The following HERC2 variants were observed in gnomAD, a reference collection of about 807,000 sequenced individuals.
HERC2 encodes E3 ubiquitin-protein ligase HERC2.
In HERC2, 102 loss-of-function variants were observed where a neutral mutation model predicts 537.7. The observed-to-expected ratio is 0.19, with a 90% CI of 0.16 to 0.22. HERC2 has a LOEUF of 0.22. Ranked by LOEUF, HERC2 falls within the 10% of genes least tolerant of loss-of-function variation. The pLI is 1.00. For missense variants in HERC2, 4,236 were observed against 6,198.2 expected, an observed-to-expected ratio of 0.68 and a Z score of 10.63; for synonymous variants, 2,224 against 2,466.2, an observed-to-expected ratio of 0.90 and a Z score of 2.91.
chr15:28,214,366 G>C, intron 40 of HERC2, 94 bp from the exon 41 acceptor site: 1 of 1,112,536 alleles, frequency 9.0e-7, no homozygotes, highest in Non-Finnish European at 1.4e-6. Context: ...ACGGCACTGC[G>C]CCGCTCTTCA....
intron 81 of HERC2, 148 bp from the exon 82 acceptor site, chr15:28,130,742 C>A: frequency 2.9e-6 from 2 of 698,954 alleles, no homozygotes; most frequent in South Asian, 1.7e-5. Context: ...TCATATTCCA[C>A]TTAATCTCAG....
At chr15:28,200,626 T>C (rs1708965) in intron 48 of HERC2, among the ~76,000 whole-genome samples, 6 of 152,322 alleles carry the variant, frequency 3.9e-5, no homozygotes, top group African/African-American at 1.4e-4. Flanking sequence ...CAACCAAATG[T>C]AGATAAGGCA....
intron 52 of HERC2, among the ~76,000 whole-genome samples, chr15:28,193,685 C>A (rs1055489494): frequency 6.6e-6 from 1 of 152,102 alleles, no homozygotes; most frequent in Admixed American, 6.5e-5. Context: ...AACAAAAAGA[C>A]TCTCTGAAAA....
intron 70 of HERC2, among the ~76,000 whole-genome samples, chr15:28,149,313 C>G (rs1347473276): frequency 4.0e-5 from 6 of 151,318 alleles, no homozygotes; most frequent in Non-Finnish European, 8.8e-5. Context: ...GAGAACATCA[C>G]CGAAAATGGC....
At chr15:28,207,959 C>G (rs915481775) in intron 44 of HERC2, among the ~76,000 whole-genome samples, 2 of 152,148 alleles carry the variant, frequency 1.3e-5, no homozygotes, top group African/African-American at 4.8e-5. Flanking sequence ...CAATCTAGCT[C>G]TGTTAGGAGT....
chr15:28,121,514 A>G lies in HERC2; in HGVS notation c.13189-85T>C, dbSNP rs200625252. 56 of 1,163,526 alleles carry G rather than the reference A, an allele frequency of 4.8e-5. No individual in the cohort carries two copies. The East Asian group carries it at 9.9e-4, about 21-fold the overall frequency. The allele number at this position is 1,163,526 out of a possible 1,614,324, so 72.1% of individuals were successfully genotyped here. A position where few individuals can be genotyped will look rare whatever the true frequency, so the allele number is the denominator to read the frequency against. ...AAATCATCACATAGTTTTGTTTAAA[A>G]TCTGTGTTGAAGACCTTCTTAAGGA... On this transcript the variant is annotated intron_variant, in intron 85 of 92. Coordinates refer to ENST00000261609, the MANE Select transcript of HERC2 (RefSeq NM_004667.6).
intron 69 of HERC2, among the ~76,000 whole-genome samples, chr15:28,156,712 C>A (rs751236136): frequency 1.4e-4 from 21 of 152,222 alleles, no homozygotes; most frequent in Admixed American, 1.2e-3. Flanking sequence ...GACAATTTGA[C>A]TTCCTCTTGT....
chr15:28,147,024 TG>T (rs1297205594), intron 70 of HERC2, among the ~76,000 whole-genome samples: 4 of 138,832 alleles, frequency 2.9e-5, no homozygotes, highest in Admixed American at 7.6e-5. Flanking sequence ...GAGCTGATTC[TG>T]GGGGGGCCGC....
At chr15:28,250,768 A>G (rs2075049660) in intron 20 of HERC2, among the ~76,000 whole-genome samples, 1 of 152,128 alleles carries the variant, frequency 6.6e-6, no homozygotes, top group African/African-American at 2.4e-5. Context: ...AGAATCCTTC[A>G]CTCACAAACA....
intron 14 of HERC2, among the ~76,000 whole-genome samples, chr15:28,263,615 T>C (rs2075472980): frequency 6.6e-6 from 1 of 152,202 alleles, no homozygotes; most frequent in Non-Finnish European, 1.5e-5. Flanking sequence ...ATCAGCATAA[T>C]TATGTAAGTT....
At chr15:28,255,797 T>C in intron 19 of HERC2, 75 bp downstream of exon 19, 11 of 1,463,140 alleles carry the variant, frequency 7.5e-6, no homozygotes, top group Non-Finnish European at 9.2e-6. Flanking sequence ...TGTTTTCAGT[T>C]ATTCTTCACG....
intron 82 of HERC2, 21 bp from the exon 83 acceptor site, chr15:28,130,323 G>A (rs1467189449): frequency 6.2e-7 from 1 of 1,614,024 alleles, no homozygotes. Context: ...AGGAAGCATG[G>A]AAATTATGGG....
intron 34 of HERC2, among the ~76,000 whole-genome samples, 156 bp from the exon 35 acceptor site, chr15:28,228,565 A>T (rs1901491457): frequency 6.6e-6 from 1 of 152,208 alleles, no homozygotes; most frequent in Non-Finnish European, 1.5e-5. Context: ...CGCAGAAAGC[A>T]CGGGCGATTA....
chr15:28,309,730 T>C (rs1015535422), intron 2 of HERC2, among the ~76,000 whole-genome samples: 7 of 151,916 alleles, frequency 4.6e-5, no homozygotes, highest in Non-Finnish European at 8.8e-5. Flanking sequence ...AAGTAGAGGA[T>C]AGAACTAAGC....
chr15:28,277,115 G>C (rs946605423), intron 5 of HERC2, among the ~76,000 whole-genome samples: 5 of 152,062 alleles, frequency 3.3e-5, no homozygotes, highest in African/African-American at 1.2e-4. Flanking sequence ...AAATTTAAAA[G>C]CCAATGTCAA....
At chr15:28,139,710 A>T (rs1890998581) in intron 78 of HERC2, among the ~76,000 whole-genome samples, 1 of 152,204 alleles carries the variant, frequency 6.6e-6, no homozygotes, top group South Asian at 2.1e-4. Context: ...CTATCCAAAG[A>T]ATGTAAGTTT....
At chr15:28,198,196 T>C (rs996242430) in intron 50 of HERC2, among the ~76,000 whole-genome samples, 182 bp downstream of exon 50, 3 of 152,210 alleles carry the variant, frequency 2.0e-5, no homozygotes, top group African/African-American at 7.2e-5. Flanking sequence ...ATAAATCTAA[T>C]TGTTTCACTG....
chr15:28,150,683 C>T (rs1892355994), intron 70 of HERC2, among the ~76,000 whole-genome samples: 1 of 148,534 alleles, frequency 6.7e-6, no homozygotes, highest in African/African-American at 2.5e-5. Context: ...GCCACACAGA[C>T]ATTCTAGTGA....
intron 79 of HERC2, among the ~76,000 whole-genome samples, chr15:28,134,745 C>T (rs1890448292): frequency 1.3e-5 from 2 of 149,044 alleles, no homozygotes; most frequent in South Asian, 4.2e-4. Context: ...CTCTGTTCCC[C>T]AGGCTGGAGT....
Sources: allele counts gnomAD v4.1 joint callset (sites outside exome capture counted in the v4.1 genomes callset), GRCh38; gene constraint gnomAD v4.1.1; transcripts MANE v1.5; gene names NCBI Gene and HGNC (gene_info 2026-07-23, HGNC 2026-07-21).